Variants in HNRNPC observed in about 807,000 individuals in gnomAD.
The protein encoded by HNRNPC is heterogeneous nuclear ribonucleoproteins C1/C2.
A neutral mutation model predicts 33.2 loss-of-function variants in HNRNPC; 3 were observed. The observed-to-expected ratio is 0.09, with a 90% confidence interval of 0.04 to 0.23. The LOEUF (loss-of-function observed/expected upper bound fraction) is 0.23. HNRNPC is among the 10% of genes least tolerant of loss of function. The probability of loss-of-function intolerance (pLI) is 1.00; values close to 1 mark genes in which losing one functional copy is unlikely to be tolerated. For synonymous variants in HNRNPC, 121 were observed against 126.7 expected (o/e 0.96, Z 0.30); for missense variants, 143 against 366.7 (o/e 0.39, Z 4.98).
intron 5 of HNRNPC, among the ~76,000 whole-genome samples, chr14:21,225,369 T>C (rs907940865): frequency 1.4e-4 from 21 of 151,164 alleles, no homozygotes; most frequent in Non-Finnish European, 2.5e-4. Flanking sequence ...GAGGTGGAGG[T>C]TGCAGTGAGC....
chr14:21,224,830 G>C (rs950986126), intron 5 of HNRNPC, among the ~76,000 whole-genome samples: 4 of 152,092 alleles, frequency 2.6e-5, no homozygotes, highest in Non-Finnish European at 5.9e-5. Flanking sequence ...GTGAGTTCTT[G>C]AAGATTTGTC....
chr14:21,247,146 T>TA (rs1258669633), intron 2 of HNRNPC, among the ~76,000 whole-genome samples: 1 of 152,218 alleles, frequency 6.6e-6, no homozygotes, highest in East Asian at 1.9e-4. Flanking sequence ...TAAGAATCCT[T>TA]ATTTATCAAT....
chr14:21,212,198 T>TA (rs1327295499), intron 6 of HNRNPC, among the ~76,000 whole-genome samples: 2 of 152,108 alleles, frequency 1.3e-5, no homozygotes, highest in Non-Finnish European at 2.9e-5. Flanking sequence ...ACAGTGAACT[T>TA]AAACTCCTGG....
At chr14:21,232,887 A>C (rs982479161) in intron 3 of HNRNPC, among the ~76,000 whole-genome samples, 12 of 152,222 alleles carry the variant, frequency 7.9e-5, no homozygotes, top group African/African-American at 2.6e-4. Flanking sequence ...AAATACAAAA[A>C]TTAGCCAGGT....
chr14:21,253,648 G>T, intron 2 of HNRNPC, among the ~76,000 whole-genome samples: 1 of 151,766 alleles, frequency 6.6e-6, no homozygotes. Context: ...AATAATACAG[G>T]GTCAAATCTT....
chr14:21,232,135 G>GCT, intron 3 of HNRNPC, among the ~76,000 whole-genome samples: 1 of 152,160 alleles, frequency 6.6e-6, no homozygotes, highest in East Asian at 1.9e-4. Flanking sequence ...CGTATGCCCA[G>GCT]CTACCTACCC....
intron 2 of HNRNPC, among the ~76,000 whole-genome samples, chr14:21,244,101 T>C (rs2139737955): frequency 6.6e-6 from 1 of 152,074 alleles, no homozygotes; most frequent in Admixed American, 6.5e-5. Context: ...CGATCTTCGA[T>C]CACTGCAACC....
At chr14:21,215,882 G>C (rs1237173094) in intron 5 of HNRNPC, among the ~76,000 whole-genome samples, 1 of 135,090 alleles carries the variant, frequency 7.4e-6, no homozygotes, top group Non-Finnish European at 1.5e-5. Context: ...CTCAGTGACA[G>C]AGCAAGACTC....
At chr14:21,246,532 A>G (rs1895998058) in intron 2 of HNRNPC, among the ~76,000 whole-genome samples, 1 of 150,118 alleles carries the variant, frequency 6.7e-6, no homozygotes, top group Non-Finnish European at 1.5e-5. Context: ...GCGCCACTGC[A>G]CTCCAGCCTG....
At chr14:21,241,565 T>C (rs1194947457) in intron 2 of HNRNPC, among the ~76,000 whole-genome samples, 1 of 152,230 alleles carries the variant, frequency 6.6e-6, no homozygotes, top group Non-Finnish European at 1.5e-5. Context: ...TTGATCTAAG[T>C]TGTTGAACAC....
chr14:21,251,281 A>AAAAAG lies in HNRNPC; in HGVS notation c.-37+12029_-37+12030insCTTTT, dbSNP rs1396702674. 7.2e-3 allele frequency among the ~76,000 whole-genome samples: 1,071 copies of AAAAAG among 148,798 alleles called. 10 individuals are homozygous for AAAAAG. Among genetic ancestry groups the AAAAAG allele is most frequent in the Middle Eastern group, 0.023 (6 of 260 alleles). On this transcript the variant is annotated intron_variant, in intron 2 of 8. Coordinates refer to ENST00000553300, the MANE Select transcript of HNRNPC (RefSeq NM_004500.4). The stretch of plus-strand genomic sequence containing the variant: ...CTCTCAAAAAAAAAAAAAAAAAAAA[A>AAAAAG]AAAGACTTCATTTCCTTGTTATCTT...
chr14:21,226,363 C>T (rs1254741114), intron 5 of HNRNPC, among the ~76,000 whole-genome samples: 1 of 151,078 alleles, frequency 6.6e-6, no homozygotes, highest in Non-Finnish European at 1.5e-5. Flanking sequence ...AGAATAGTAC[C>T]AGGGTAGCTG....
chr14:21,223,879 T>G (rs563555068), intron 5 of HNRNPC, among the ~76,000 whole-genome samples: 1 of 152,246 alleles, frequency 6.6e-6, no homozygotes, highest in Admixed American at 6.5e-5. Flanking sequence ...AAAGATATAA[T>G]TAACAGTGGA....
At chr14:21,252,984 G>A (rs572045869) in intron 2 of HNRNPC, among the ~76,000 whole-genome samples, 1 of 151,974 alleles carries the variant, frequency 6.6e-6, no homozygotes, top group South Asian at 2.1e-4. Context: ...GACCATCCTG[G>A]CCAACATGGT....
chr14:21,253,808 G>A (rs148340270), intron 2 of HNRNPC, among the ~76,000 whole-genome samples: 1 of 152,216 alleles, frequency 6.6e-6, no homozygotes, highest in East Asian at 1.9e-4. Flanking sequence ...GCTCAGGCCT[G>A]TAATCCCAGC....
chr14:21,255,018 G>A (rs1401835880), intron 2 of HNRNPC, among the ~76,000 whole-genome samples: 2 of 152,058 alleles, frequency 1.3e-5, no homozygotes, highest in East Asian at 1.9e-4. Context: ...GTAATAGCAT[G>A]AGAAAACTTT....
intron 2 of HNRNPC, 24 bp from the exon 3 acceptor site, chr14:21,234,253 A>G (rs1359144010): frequency 2.0e-6 from 3 of 1,532,126 alleles, no homozygotes; most frequent in East Asian, 2.3e-5. Context: ...AAAAGTATAC[A>G]GGTGAACAGA....
chr14:21,239,543 C>A (rs1407742084), intron 2 of HNRNPC, among the ~76,000 whole-genome samples: 4 of 151,842 alleles, frequency 2.6e-5, no homozygotes, highest in African/African-American at 9.7e-5. Flanking sequence ...CTCAACATGT[C>A]ATGAAAAGCT....
At chr14:21,239,432 T>C (rs78757021) in intron 2 of HNRNPC, among the ~76,000 whole-genome samples, 2,449 of 152,062 alleles carry the variant, frequency 0.016, 33 homozygotes, top group Middle Eastern at 0.078. Flanking sequence ...TCAGCGGAGA[T>C]AGCGCCACTG....
Sources: allele counts gnomAD v4.1 joint callset (sites outside exome capture counted in the v4.1 genomes callset), GRCh38; gene constraint gnomAD v4.1.1; transcripts MANE v1.5; gene names NCBI Gene and HGNC (gene_info 2026-07-23, HGNC 2026-07-21).